The following CNR2 variants were observed in gnomAD, a reference collection of about 807,000 sequenced individuals.
The protein encoded by CNR2 is cannabinoid receptor 2.
For synonymous variants in CNR2, 172 were observed against 182.2 expected, an observed-to-expected ratio of 0.94 and a Z score of 0.45; for missense variants, 379 against 439.9, an observed-to-expected ratio of 0.86 and a Z score of 1.24.
At chr1:23,899,643 C>T (rs1390718271) in intron 1 of CNR2, among the ~76,000 whole-genome samples, 5 of 149,028 alleles carry the variant, frequency 3.4e-5, no homozygotes, top group Admixed American at 6.8e-5. Flanking sequence ...GCTGAAACTC[C>T]GCCTCCACTA....
chr1:23,905,281 A>G (rs1478094703), intron 1 of CNR2, among the ~76,000 whole-genome samples: 2 of 150,860 alleles, frequency 1.3e-5, no homozygotes, highest in Non-Finnish European at 2.9e-5. Context: ...CCCGGGTTCA[A>G]TCGATTCTCT....
At chr1:23,896,430 T>A (rs1219339961) in intron 1 of CNR2, among the ~76,000 whole-genome samples, 1 of 152,260 alleles carries the variant, frequency 6.6e-6, no homozygotes, top group Non-Finnish European at 1.5e-5. Context: ...GAAGACTAAC[T>A]GAGTTAGCTC....
chr1:23,901,478 T>C lies in CNR2; in HGVS notation c.-46+11768A>G, dbSNP rs971058576. ...GCAGCCTCCCCGGGCACCTCAGGCA[T>C]AGAAGATGAGCTCAGGGATCTGCCC... is the stretch of plus-strand genomic sequence containing the variant. On this transcript the variant is annotated intron_variant, in intron 1 of 1. Coordinates refer to ENST00000374472, the MANE Select transcript of CNR2 (RefSeq NM_001841.3). 48 of 1,560,010 alleles carry C rather than the reference T, an allele frequency of 3.1e-5. No individual in the cohort carries two copies. In the African/African-American group the frequency reaches 5.3e-4, roughly 17 times the overall value.
At chr1:23,912,983 A>G (rs1640611603) in intron 1 of CNR2, among the ~76,000 whole-genome samples, 1 of 152,186 alleles carries the variant, frequency 6.6e-6, no homozygotes, top group African/African-American at 2.4e-5. Flanking sequence ...CCTGGCCAAC[A>G]TGGTGAAACC....
At chr1:23,892,821 G>C (rs1640211926) in intron 1 of CNR2, among the ~76,000 whole-genome samples, 6 of 152,144 alleles carry the variant, frequency 3.9e-5, no homozygotes, top group African/African-American at 1.4e-4. Context: ...TTAGAAACCA[G>C]CCTGGCCAAC....
intron 1 of CNR2, chr1:23,902,638 C>T (rs1640420319): frequency 1.9e-6 from 3 of 1,598,012 alleles, no homozygotes; most frequent in Non-Finnish European, 2.6e-6. Flanking sequence ...TACTTGTGGG[C>T]GGGCACCGTC....
At chr1:23,903,091 C>CGGA (rs1557534349) in intron 1 of CNR2, among the ~76,000 whole-genome samples, 1 of 151,826 alleles carries the variant, frequency 6.6e-6, no homozygotes, top group Non-Finnish European at 1.5e-5. Context: ...GCGGCGGCGG[C>CGGA]GGCGGCGCTG....
At chr1:23,895,627 C>T (rs1409198868) in intron 1 of CNR2, among the ~76,000 whole-genome samples, 1 of 152,170 alleles carries the variant, frequency 6.6e-6, no homozygotes, top group African/African-American at 2.4e-5. Context: ...CTCCCTCAGC[C>T]TCCCGAGTAG....
intron 1 of CNR2, among the ~76,000 whole-genome samples, chr1:23,881,304 A>T (rs957891732): frequency 2.6e-5 from 4 of 151,918 alleles, no homozygotes; most frequent in East Asian, 1.9e-4. Flanking sequence ...TAATAATTTT[A>T]AAAAATTACT....
chr1:23,874,968 T>C lies in CNR2; in HGVS notation c.650A>G (p.His217Arg), dbSNP rs1330513364. Residue 217 changes from histidine (H) to arginine (R), a missense_variant, in exon 2 of 2, where the codon CAT becomes CGT. By Grantham distance (29) the His-to-Arg change is conservative (BLOSUM62 0). Transcript: ENST00000374472. The part of the protein sequence containing the change: ...YTYGHVLWKA[H>R]QHVASLSGHQ... The stretch of plus-strand genomic sequence containing the variant: ...GCCAGACAAGCTGGCCACATGCTGA[T>C]GGGCCTTCCAGAGAACATGCCCATA... 2 of 1,610,044 alleles carry C rather than the reference T, an allele frequency of 1.2e-6. No homozygotes were observed. Among genetic ancestry groups the C allele is most frequent in the African/African-American group, 2.7e-5 (2 of 74,852 alleles).
chr1:23,902,471 C>T, intron 1 of CNR2: 1 of 1,601,324 alleles, frequency 6.2e-7, no homozygotes, highest in Non-Finnish European at 8.5e-7. Flanking sequence ...TGGCCAGCAC[C>T]GTATCCGCTT....
rs1274481529 is a variant in CNR2 at position 23,875,515 on chromosome 1, C to G, written c.103G>C (p.Ala35Pro). 3 of 1,614,162 alleles carry G rather than the reference C, an allele frequency of 1.9e-6. No homozygotes were observed. In the Middle Eastern group the frequency reaches 4.9e-4, roughly 266 times the overall value. The change falls in exon 2 of 2, where the codon GCT becomes CCT. Residue 35 changes from alanine to proline, a missense_variant. Physicochemically the swap from Ala to Pro is conservative, Grantham distance 27. Coordinates refer to ENST00000374472, the MANE Select transcript of CNR2 (RefSeq NM_001841.3). ...AGAAGAGTGCACAACACAGCAACAGCTGTCTTCTGGGGACCACTCAGGATC... is the reference window on the plus strand; with the variant it reads ...AGAAGAGTGCACAACACAGCAACAGGTGTCTTCTGGGGACCACTCAGGATC... Reference protein sequence around the residue: ...YMILSGPQKTAVAVLCTLLGL... With the variant: ...YMILSGPQKTPVAVLCTLLGL...
Position 23,903,508 on chromosome 1 carries a change from AAGCTAC to A in CNR2, c.-46+9732_-46+9737del, listed in dbSNP as rs1018275641. On this transcript the variant is annotated intron_variant, in intron 1 of 1. Transcript: ENST00000374472. ...AGGACCACTTGAGCCCAGGTGGTTG[AAGCTAC>A]AGCTAGCCGTGATGTGCCACTGCAC... Among the ~76,000 whole-genome samples, 14 of 151,628 alleles carry A rather than the reference AAGCTAC, an allele frequency of 9.2e-5. 1 individual carries two copies. The East Asian group carries it at 9.8e-4, about 11-fold the overall frequency.
At position 23,870,706 on chromosome 1, in the gene CNR2, C is replaced by A. The variant is rs138396102; in HGVS notation, c.*3829G>T. 5.9e-3 allele frequency: 900 copies of A among 152,318 alleles called. 4 individuals carry two copies. The highest frequency in any genetic ancestry group is 9.1e-3 in the Non-Finnish European group (618 of 68,040). 9.4% of individuals were successfully genotyped at this position (152,318 alleles called of 1,614,324 possible). A position where few individuals can be genotyped will look rare whatever the true frequency, so the allele number is the denominator to read the frequency against. ...GAAGTTAGGAAACCTAGGTTTGTTGCACTGGACACCATCTCGTTTGTCTCC... is the reference window on the plus strand; with the variant it reads ...GAAGTTAGGAAACCTAGGTTTGTTGAACTGGACACCATCTCGTTTGTCTCC... On this transcript the variant is annotated 3_prime_UTR_variant, in exon 2 of 2. Transcript: ENST00000374472.
chr1:23,899,050 G>T (rs75875032), intron 1 of CNR2, among the ~76,000 whole-genome samples: 2 of 152,210 alleles, frequency 1.3e-5, no homozygotes, highest in East Asian at 1.9e-4. Flanking sequence ...TATGATACAC[G>T]TATCAAAATT....
intron 1 of CNR2, among the ~76,000 whole-genome samples, chr1:23,903,436 T>G (rs1570721554): frequency 6.7e-6 from 1 of 149,652 alleles, no homozygotes; most frequent in African/African-American, 2.5e-5. Context: ...TAGCCAGGGG[T>G]AGTGGTTCAT....
rs1416168420 is a variant in CNR2, at chr1:23,902,218, C to T, written c.-46+11028G>A. On this transcript the variant is annotated intron_variant, in intron 1 of 1. Coordinates refer to ENST00000374472, the MANE Select transcript of CNR2 (RefSeq NM_001841.3). ...GACCACCGCCTCCTGGTGTTGAGGG[C>T]CTCCCGAGTGACAATGATCTCCAAC... The T allele has an allele frequency of 1.3e-5, 14 of 1,072,958 alleles. No individual in the cohort carries two copies. The African/African-American group carries it at 3.7e-4, about 28-fold the overall frequency. The allele number at this position is 1,072,958 out of a possible 1,614,324, so 66.5% of individuals were successfully genotyped here. A position where few individuals can be genotyped will look rare whatever the true frequency, so the allele number is the denominator to read the frequency against.
At chr1:23,908,545 C>A (rs1640536059) in intron 1 of CNR2, among the ~76,000 whole-genome samples, 1 of 152,202 alleles carries the variant, frequency 6.6e-6, no homozygotes, top group African/African-American at 2.4e-5. Flanking sequence ...ATGATGTGAA[C>A]CTTCTGGAAC....
chr1:23,903,388 A>C lies in CNR2; in HGVS notation c.-46+9858T>G, dbSNP rs376862967. 1.3e-3 allele frequency among the ~76,000 whole-genome samples: 201 copies of C among 151,556 alleles called. 1 individual carries two copies. Among genetic ancestry groups the C allele is most frequent in the African/African-American group, 4.7e-3 (195 of 41,312 alleles). On this transcript the variant is annotated intron_variant, in intron 1 of 1. Transcript: ENST00000374472. ...CCAGGAGTTCAAGACAAGCCTGGGC[A>C]ACATAGGAAGACCCCGCCTCTACAA...
Sources: allele counts gnomAD v4.1 joint callset (sites outside exome capture counted in the v4.1 genomes callset), GRCh38; gene constraint gnomAD v4.1.1; transcripts MANE v1.5; gene names NCBI Gene and HGNC (gene_info 2026-07-23, HGNC 2026-07-21).